The following FRMPD4 variants were observed in gnomAD, a reference collection of about 807,000 sequenced individuals.
The protein encoded by FRMPD4 is FERM and PDZ domain-containing protein 4.
A neutral mutation model predicts 94.1 loss-of-function variants in FRMPD4; 22 were observed. The observed-to-expected ratio is 0.23, with a 90% CI of 0.17 to 0.33. The LOEUF is 0.33. Among genes scored for constraint, FRMPD4 ranks in the 10% least tolerant of loss-of-function variants. The pLI is 1.00. For synonymous variants in FRMPD4, 631 were observed against 548.6 expected (o/e 1.15, Z -2.10); for missense variants, 1,111 against 1,339.9 (o/e 0.83, Z 2.67).
intron 3 of FRMPD4, among the ~76,000 whole-genome samples, chrX:11,926,258 C>CAAAAAAA (rs763084115): frequency 3.3e-5 from 1 of 30,694 alleles, no homozygotes; most frequent in African/African-American, 1.6e-4. Context: ...GCTTACCAAC[C>CAAAAAAA]AAAAAAAAAA....
At chrX:12,276,005 T>C (rs750980998) in intron 1 of FRMPD4, among the ~76,000 whole-genome samples, 30 of 111,704 alleles carry the variant, frequency 2.7e-4, no homozygotes, top group South Asian at 1.1e-3. Context: ...CCATGTCTTG[T>C]CCTGTAACTT....
At chrX:11,899,164 C>T (rs2053920056) in intron 3 of FRMPD4, among the ~76,000 whole-genome samples, 2 of 111,955 alleles carry the variant, frequency 1.8e-5, no homozygotes, top group African/African-American at 6.5e-5. Context: ...GCTCTATATT[C>T]TTCTCTGTGG....
rs140295211 is a variant in FRMPD4, at chrX:12,489,218, A to G, written c.42-9462A>G. Among the ~76,000 whole-genome samples the G allele has an allele frequency of 2.5e-3, 276 of 112,085 alleles. 1 individual carries two copies. The highest frequency in any genetic ancestry group is 4.1e-3 in the Non-Finnish European group (217 of 53,153). ...GGAATGGGAGATAATTATTAAATAG[A>G]TATACTTTTAGGATTCTAAGTTTTT... On this transcript the variant is annotated intron_variant, in intron 1 of 16. Coordinates refer to ENST00000675598, the MANE Select transcript of FRMPD4 (RefSeq NM_001368397.1).
chrX:12,512,348 C>T lies in FRMPD4; in HGVS notation c.158+13552C>T, dbSNP rs773949606. 2.6e-4 allele frequency among the ~76,000 whole-genome samples: 29 copies of T among 111,979 alleles called. No homozygotes were observed. The East Asian group carries it at 6.2e-3, about 24-fold the overall frequency. On this transcript the variant is annotated intron_variant, in intron 2 of 16. Coordinates refer to ENST00000675598, the MANE Select transcript of FRMPD4 (RefSeq NM_001368397.1). The stretch of plus-strand genomic sequence containing the variant: ...TGGTATTAAGCCCTACATGCATTAG[C>T]TATTTATCCTGACGCTCTCCCTCCC...
chrX:12,406,599 C>G (rs375882905), intron 1 of FRMPD4, among the ~76,000 whole-genome samples: 1 of 111,695 alleles, frequency 9.0e-6, no homozygotes, highest in East Asian at 2.8e-4. Context: ...TATGGGCAAT[C>G]CATATCAGAA....
chrX:12,008,218 T>C (rs749287781), intron 3 of FRMPD4, among the ~76,000 whole-genome samples: 1 of 111,922 alleles, frequency 8.9e-6, no homozygotes, highest in Non-Finnish European at 1.9e-5. Flanking sequence ...TATCCCTGAT[T>C]TATGCCCAAG....
chrX:12,712,902 A>G (rs2042012191), intron 14 of FRMPD4, among the ~76,000 whole-genome samples: 1 of 110,236 alleles, frequency 9.1e-6, no homozygotes, highest in East Asian at 2.9e-4. Flanking sequence ...AAAGTGAGAC[A>G]CTGTATCCAC....
intron 1 of FRMPD4, among the ~76,000 whole-genome samples, chrX:11,825,269 G>A (rs1341549111): frequency 1.0e-5 from 1 of 99,635 alleles, no homozygotes; most frequent in Non-Finnish European, 2.0e-5. Flanking sequence ...CCTAATTGTA[G>A]TAAAAAAAAA....
At chrX:12,425,489 G>C (rs889099866) in intron 1 of FRMPD4, among the ~76,000 whole-genome samples, 3 of 112,061 alleles carry the variant, frequency 2.7e-5, no homozygotes, top group Non-Finnish European at 3.8e-5. Flanking sequence ...TTGTTTTATA[G>C]AGATTAACAT....
At chrX:11,890,448 C>T (rs913409347) in intron 3 of FRMPD4, among the ~76,000 whole-genome samples, 2 of 112,106 alleles carry the variant, frequency 1.8e-5, no homozygotes, top group African/African-American at 6.5e-5. Flanking sequence ...GACAGAAGAC[C>T]TACCACCTAC....
intron 1 of FRMPD4, among the ~76,000 whole-genome samples, chrX:12,383,704 A>G (rs2056358882): frequency 9.0e-6 from 1 of 111,665 alleles, no homozygotes; most frequent in South Asian, 3.8e-4. Flanking sequence ...TGATGCCAGT[A>G]AAGGTGCTCC....
chrX:12,667,862 A>G (rs778463094), intron 4 of FRMPD4, among the ~76,000 whole-genome samples: 47 of 112,376 alleles, frequency 4.2e-4, no homozygotes, highest in African/African-American at 1.4e-3. Context: ...AGGGTAGGAT[A>G]GACTATATTC....
rs368187952 is a variant in FRMPD4 at position 12,060,267 on chromosome X, G to GTT, written c.95+182264_95+182265dup. ...TTCTCCACAGCCTCACTAGGAACTGGTTTTTTTTTTTTTTTTGATATTTTA... is the reference window on the plus strand; with the variant it reads ...TTCTCCACAGCCTCACTAGGAACTGGTTTTTTTTTTTTTTTTTTGATATTTTA... On this transcript the variant is annotated intron_variant, in intron 3 of 18. Transcript: ENST00000640291. Among the ~76,000 whole-genome samples, 613 of 93,018 alleles carry GTT rather than the reference G, an allele frequency of 6.6e-3. 9 individuals are homozygous for GTT. Among genetic ancestry groups the GTT allele is most frequent in the African/African-American group, 0.022 (564 of 26,046 alleles). The allele number at this position is 93,018 out of a possible 115,157, so 80.8% of individuals were successfully genotyped here.
In FRMPD4 at chrX:12,463,681, G is replaced by GTGTGTTTTTTTTTTT. The variant is rs1555969426; in HGVS notation, c.42-34998_42-34997insGTGTTTTTTTTTTTT. 3.9e-5 allele frequency among the ~76,000 whole-genome samples: 2 copies of GTGTGTTTTTTTTTTT among 51,046 alleles called. 1 individual carries two copies. Among genetic ancestry groups the GTGTGTTTTTTTTTTT allele is most frequent in the African/African-American group, 1.7e-4 (2 of 11,593 alleles). 44.3% of individuals were successfully genotyped at this position (51,046 alleles called of 115,157 possible). The stretch of plus-strand genomic sequence containing the variant: ...GGGTGCCTGTGCCTCCTATGTGTGT[G>GTGTGTTTTTTTTTTT]TTTTTTTTTTGTTTTTGTTTTTTTT... On this transcript the variant is annotated intron_variant, in intron 1 of 16. Coordinates refer to ENST00000675598, the MANE Select transcript of FRMPD4 (RefSeq NM_001368397.1).
chrX:12,393,961 A>G (rs2056510014), intron 1 of FRMPD4, among the ~76,000 whole-genome samples: 1 of 111,760 alleles, frequency 8.9e-6, no homozygotes, highest in Admixed American at 9.4e-5. Flanking sequence ...TATATGTGTG[A>G]TAATAAGTTA....
At chrX:12,692,782 C>T (rs922423391) in intron 8 of FRMPD4, among the ~76,000 whole-genome samples, 1 of 112,353 alleles carries the variant, frequency 8.9e-6, no homozygotes, top group African/African-American at 3.2e-5. Flanking sequence ...TTAAAGGAGT[C>T]AGAGATATAG....
At position 12,716,535 on chromosome X, in the gene FRMPD4, T is replaced by A. The variant is rs753738129; in HGVS notation, c.2076T>A (p.Ser692Arg). 8 of 1,207,195 alleles carry A rather than the reference T, an allele frequency of 6.6e-6. No homozygotes were observed. Among genetic ancestry groups the A allele is most frequent in the Non-Finnish European group, 9.0e-6 (8 of 893,403 alleles). The change falls in exon 15 of 17, where the codon AGT becomes AGA. Residue 692 changes from serine to arginine, a missense_variant. This residue lies in a region of FRMPD4 where 192 missense variants were observed against 192.5 expected (regional missense o/e 1.00). Transcript: ENST00000675598. ...AGCAGAGAAATCTCTACATTGGCAGTGCCAATGACATGAAGGGCCTGGATC... is the reference window on the plus strand; with the variant it reads ...AGCAGAGAAATCTCTACATTGGCAGAGCCAATGACATGAAGGGCCTGGATC... Reference protein sequence around the residue: ...LEKQRNLYIGSANDMKGLDLT... With the variant: ...LEKQRNLYIGRANDMKGLDLT...
At chrX:11,921,483 T>G (rs2091421) in intron 3 of FRMPD4, among the ~76,000 whole-genome samples, 36,837 of 107,943 alleles carry the variant, frequency 0.34, 5,493 homozygotes, top group East Asian at 0.81. Context: ...TATGCATTTG[T>G]GGGGGGACAT....
At chrX:12,054,055 G>A (rs958708674) in intron 3 of FRMPD4, among the ~76,000 whole-genome samples, 5 of 111,575 alleles carry the variant, frequency 4.5e-5, no homozygotes, top group Non-Finnish European at 7.5e-5. Flanking sequence ...TAGAGAGGGC[G>A]CCTCTCGTAT....
Sources: allele counts gnomAD v4.1 joint callset (sites outside exome capture counted in the v4.1 genomes callset), GRCh38; gene constraint gnomAD v4.1.1; regional missense constraint gnomAD v4.1.1; transcripts MANE v1.5; gene names NCBI Gene and HGNC (gene_info 2026-07-23, HGNC 2026-07-21).